Variants in SEPTIN7 observed in about 807,000 individuals in gnomAD.
The protein encoded by SEPTIN7 is septin-7.
A neutral mutation model predicts 63.3 loss-of-function variants in SEPTIN7; 10 were observed. That is an observed-to-expected ratio of 0.16 (90% CI 0.10 to 0.27). The LOEUF (loss-of-function observed/expected upper bound fraction) is 0.27. Ranked by LOEUF, SEPTIN7 falls within the 10% of genes least tolerant of loss-of-function variation. SEPTIN7 has a pLI of 1.00. For missense variants in SEPTIN7, 310 were observed against 521.0 expected, an observed-to-expected ratio of 0.59 and a Z score of 3.94; for synonymous variants, 131 against 165.3, an observed-to-expected ratio of 0.79 and a Z score of 1.59.
At chr7:35,853,630 A>T (rs541288128) in intron 3 of SEPTIN7, among the ~76,000 whole-genome samples, 2 of 152,362 alleles carry the variant, frequency 1.3e-5, no homozygotes, top group South Asian at 4.1e-4. Context: ...TTGTTTAAAG[A>T]ATCTTATGTA....
intron 10 of SEPTIN7, among the ~76,000 whole-genome samples, chr7:35,888,417 A>C (rs1787406517): frequency 6.6e-6 from 1 of 152,212 alleles, no homozygotes; most frequent in South Asian, 2.1e-4. Flanking sequence ...CAATTAGTAA[A>C]TTCACCTTAC....
intron 1 of SEPTIN7, among the ~76,000 whole-genome samples, chr7:35,808,029 G>A (rs1198849634): frequency 6.6e-6 from 1 of 151,602 alleles, no homozygotes; most frequent in Non-Finnish European, 1.5e-5. Context: ...CACCATGTTG[G>A]TCAGGCTGGT....
intron 10 of SEPTIN7, chr7:35,888,965 A>G (rs1460895447): frequency 7.9e-6 from 2 of 254,510 alleles, no homozygotes; most frequent in Non-Finnish European, 1.7e-5. Context: ...ATCTTGAGTT[A>G]TGAATTCTGT....
rs192394291 is a variant in SEPTIN7, at chr7:35,846,049, G to A, written c.169+13149G>A. On this transcript the variant is annotated intron_variant, in intron 3 of 13. Transcript: ENST00000350320. ...TAGGACTTGTTACAAAATGGTTTTT[G>A]ATTAGAAAAGTAATATGAAGGAAGT... 4.1e-4 allele frequency among the ~76,000 whole-genome samples: 63 copies of A among 151,870 alleles called. 1 individual carries two copies. Among genetic ancestry groups the A allele is most frequent in the Non-Finnish European group, 4.4e-5 (3 of 67,928 alleles).
chr7:35,841,827 G>A (rs1784419940), intron 3 of SEPTIN7, among the ~76,000 whole-genome samples: 1 of 152,120 alleles, frequency 6.6e-6, no homozygotes, highest in Non-Finnish European at 1.5e-5. Flanking sequence ...TTTCATCTTG[G>A]CAAGGAAGAC....
At chr7:35,808,951 CTG>C (rs1788529764) in intron 1 of SEPTIN7, among the ~76,000 whole-genome samples, 1 of 152,116 alleles carries the variant, frequency 6.6e-6, no homozygotes, top group African/African-American at 2.4e-5. Flanking sequence ...AATACACTAA[CTG>C]TTAGTTTTTG....
intron 1 of SEPTIN7, among the ~76,000 whole-genome samples, chr7:35,824,101 A>C (rs1219161709): frequency 1.3e-5 from 2 of 151,982 alleles, no homozygotes; most frequent in Admixed American, 6.6e-5. Context: ...CATTAAAAAA[A>C]ATTGCTTATA....
At chr7:35,887,203 A>T (rs1562579057) in intron 10 of SEPTIN7, among the ~76,000 whole-genome samples, 2 of 152,346 alleles carry the variant, frequency 1.3e-5, no homozygotes, top group Admixed American at 1.3e-4. Context: ...TTACCATTGC[A>T]TTCCTCTTGT....
intron 11 of SEPTIN7, among the ~76,000 whole-genome samples, chr7:35,893,555 A>G (rs1787779042): frequency 6.6e-6 from 1 of 152,166 alleles, no homozygotes; most frequent in African/African-American, 2.4e-5. Flanking sequence ...AAGGTTGTGT[A>G]AGTACACTAT....
intron 9 of SEPTIN7, 50 bp downstream of exon 9, chr7:35,884,037 A>C (rs767903637): frequency 3.4e-6 from 4 of 1,167,224 alleles, no homozygotes; most frequent in Non-Finnish European, 5.2e-6. Flanking sequence ...AAAACTGATT[A>C]AAAATTTGTA....
intron 3 of SEPTIN7, among the ~76,000 whole-genome samples, chr7:35,846,307 C>T (rs1306496101): frequency 3.3e-5 from 5 of 152,132 alleles, no homozygotes; most frequent in Non-Finnish European, 7.3e-5. Flanking sequence ...TGGAAGGTCT[C>T]CCTCTGCCAC....
chr7:35,830,311 G>A (rs1176978333), intron 1 of SEPTIN7, among the ~76,000 whole-genome samples: 1 of 152,202 alleles, frequency 6.6e-6, no homozygotes, highest in Non-Finnish European at 1.5e-5. Context: ...GCAAGGGGAG[G>A]AAGTGTAGCA....
At chr7:35,889,647 G>T (rs1259162494) in intron 10 of SEPTIN7, among the ~76,000 whole-genome samples, 1 of 152,048 alleles carries the variant, frequency 6.6e-6, no homozygotes, top group Non-Finnish European at 1.5e-5. Flanking sequence ...GGGTTCAAGC[G>T]ATTCTCCTGC....
chr7:35,881,997 T>C (rs1786909126), intron 7 of SEPTIN7, among the ~76,000 whole-genome samples: 1 of 152,044 alleles, frequency 6.6e-6, no homozygotes, highest in Non-Finnish European at 1.5e-5. Context: ...TAAGGATTTT[T>C]CTGATGAATG....
chr7:35,915,413 C>T, the SEPTIN7 span, among the ~76,000 whole-genome samples: 16 of 152,296 alleles, frequency 1.1e-4, no homozygotes, highest in African/African-American at 1.7e-4. Context: ...AGAAAACTTA[C>T]GCAAGCATTA....
chr7:35,844,930 A>G (rs746844270), intron 3 of SEPTIN7, among the ~76,000 whole-genome samples: 1 of 152,182 alleles, frequency 6.6e-6, no homozygotes, highest in Non-Finnish European at 1.5e-5. Context: ...TGTTGTGATT[A>G]CAAAAAGTAA....
At chr7:35,805,508 C>CT (rs1275184961) in intron 1 of SEPTIN7, among the ~76,000 whole-genome samples, 1 of 152,204 alleles carries the variant, frequency 6.6e-6, no homozygotes, top group African/African-American at 2.4e-5. Context: ...AATTCACAGA[C>CT]TGGCTCATTG....
chr7:35,893,808 T>C (rs1326053491), intron 11 of SEPTIN7, among the ~76,000 whole-genome samples: 1 of 152,086 alleles, frequency 6.6e-6, no homozygotes, highest in East Asian at 1.9e-4. Flanking sequence ...AAGAAATAGA[T>C]TGTGTGGTTT....
chr7:35,910,346 A>G (rs1187784492), downstream of SEPTIN7, among the ~76,000 whole-genome samples: 2 of 152,230 alleles, frequency 1.3e-5, no homozygotes, highest in Non-Finnish European at 2.9e-5. Flanking sequence ...CTTTCTGGGT[A>G]TTCTTGATAA....
Sources: allele counts gnomAD v4.1 joint callset (sites outside exome capture counted in the v4.1 genomes callset), GRCh38; gene constraint gnomAD v4.1.1; transcripts MANE v1.5; gene names NCBI Gene and HGNC (gene_info 2026-07-23, HGNC 2026-07-21).